The following ABR variants were observed in gnomAD, a reference collection of about 807,000 sequenced individuals.
The protein encoded by ABR is active breakpoint cluster region-related protein.
ABR carries 35 observed loss-of-function variants against 107.2 expected under a neutral mutation model. That is an observed-to-expected ratio of 0.33 (90% CI 0.25 to 0.43). ABR has a LOEUF of 0.43. Ranked by LOEUF, ABR falls within the 20% of genes least tolerant of loss-of-function variation. The probability of loss-of-function intolerance (pLI) is 1.00; values close to 1 mark genes in which losing one functional copy is unlikely to be tolerated. For synonymous variants in ABR, 498 were observed against 462.0 expected (o/e 1.08, Z -1.00); for missense variants, 815 against 1,115.2 (o/e 0.73, Z 3.83).
chr17:1,032,773 G>C (rs936780143), intron 16 of ABR, among the ~76,000 whole-genome samples: 7 of 152,184 alleles, frequency 4.6e-5, no homozygotes, highest in African/African-American at 1.7e-4. Flanking sequence ...GTTAGAGTAC[G>C]GTATTCAGAG....
At chr17:1,112,612 G>GAAGGAAGGAAGA (rs1567778650) in intron 2 of ABR, among the ~76,000 whole-genome samples, 3 of 151,042 alleles carry the variant, frequency 2.0e-5, no homozygotes, top group African/African-American at 7.3e-5. Context: ...AGGGAGGGAG[G>GAAGGAAGGAAGA]GAGGAAGGAA....
chr17:1,047,673 G>A lies in ABR; in HGVS notation c.1791+2377C>T, dbSNP rs549549906. ...AACTCCCAGGCATTTAACATTCCTCGAAGCTTAAACACAGAAACATTTTCC... is the reference window on the plus strand; with the variant it reads ...AACTCCCAGGCATTTAACATTCCTCAAAGCTTAAACACAGAAACATTTTCC... On this transcript the variant is annotated intron_variant, in intron 16 of 22. Transcript: ENST00000302538. Among the ~76,000 whole-genome samples, 6 of 152,318 alleles carry A rather than the reference G, an allele frequency of 3.9e-5. No individual in the cohort carries two copies. The South Asian group carries it at 8.3e-4, about 21-fold the overall frequency.
chr17:1,161,400 C>G (rs931183068), intron 1 of ABR, among the ~76,000 whole-genome samples: 1 of 119,196 alleles, frequency 8.4e-6, no homozygotes, highest in African/African-American at 3.5e-5. Context: ...TTCCACCACA[C>G]CTGGCTAATT....
intron 1 of ABR, among the ~76,000 whole-genome samples, chr17:1,224,875 T>C (rs12944107): frequency 0.6 from 91,737 of 151,774 alleles, 28,968 homozygotes; most frequent in African/African-American, 0.78. Flanking sequence ...TCTCACCGGG[T>C]GCGGTGGCTC....
chr17:1,058,731 C>T lies in ABR; in HGVS notation c.1305+14G>A. 1 of 1,613,686 alleles carries T rather than the reference C, an allele frequency of 6.2e-7. No homozygotes were observed. The highest frequency in any genetic ancestry group is 8.5e-7 in the Non-Finnish European group (1 of 1,179,790). Reference sequence around the variant, plus strand: ...GGAAGGGGCTGTCTTGGTCCCACCCCCACCCATCCTGACCTTTCCATTCCG... The same window carrying T: ...GGAAGGGGCTGTCTTGGTCCCACCCTCACCCATCCTGACCTTTCCATTCCG... On this transcript the variant is annotated intron_variant, in intron 11 of 22. Coordinates refer to ENST00000302538, the MANE Select transcript of ABR (RefSeq NM_021962.5).
rs1169657046 is a variant in ABR, at chr17:1,005,652, GC to G, written c.*427del. The G allele has an allele frequency of 1.2e-4, 22 of 183,880 alleles. No individual in the cohort carries two copies. Among genetic ancestry groups the G allele is most frequent in the Non-Finnish European group, 2.3e-4 (21 of 89,912 alleles). The allele number at this position is 183,880 out of a possible 1,614,324, so 11.4% of individuals were successfully genotyped here. A position where few individuals can be genotyped will look rare whatever the true frequency, so the allele number is the denominator to read the frequency against. On this transcript the variant is annotated 3_prime_UTR_variant, in exon 23 of 23. Transcript: ENST00000302538. ...CAGGAGACCGCCATCTGGGAGCAGG[GC>G]CAAGAGAGAAGCTGGCAGCAGTTAC...
intron 2 of ABR, among the ~76,000 whole-genome samples, chr17:1,104,317 G>C (rs151057806): frequency 6.6e-6 from 1 of 152,336 alleles, no homozygotes; most frequent in Admixed American, 6.5e-5. Context: ...GAGATAAGGC[G>C]TGGCCAGCTC....
At position 1,150,794 on chromosome 17, in the gene ABR, C is replaced by T. The variant is rs550450870; in HGVS notation, c.62-25427G>A. On this transcript the variant is annotated intron_variant, in intron 1 of 22. Coordinates refer to ENST00000302538, the MANE Select transcript of ABR (RefSeq NM_021962.5). The surrounding 1 kb of genome is among the most constrained non-coding windows in gnomAD (Gnocchi z 4.8). ...GGAGGAGCATCACGCACACAGACGCCGGACTCCCTAGGTTCTGCAAACCCA... is the reference window on the plus strand; with the variant it reads ...GGAGGAGCATCACGCACACAGACGCTGGACTCCCTAGGTTCTGCAAACCCA... Among the ~76,000 whole-genome samples, 238 of 152,224 alleles carry T rather than the reference C, an allele frequency of 1.6e-3. 1 individual carries two copies. The highest frequency in any genetic ancestry group is 2.8e-3 in the Non-Finnish European group (188 of 67,992).
chr17:1,064,498 GTTAT>G, intron 10 of ABR, among the ~76,000 whole-genome samples: 1 of 114,630 alleles, frequency 8.7e-6, no homozygotes, highest in Non-Finnish European at 1.9e-5. Flanking sequence ...AGACACTGTT[GTTAT>G]GTGAACTGAG....
At chr17:1,176,486 C>A (rs937095948) in intron 1 of ABR, among the ~76,000 whole-genome samples, 15 of 152,210 alleles carry the variant, frequency 9.9e-5, no homozygotes, top group African/African-American at 3.6e-4. Flanking sequence ...TTTATGCTAA[C>A]TGAGCCTCAC....
upstream of ABR, among the ~76,000 whole-genome samples, chr17:1,180,049 CTTTGGTGCGGGGGCGGGGCGGGGA>C (rs2042076572): frequency 2.6e-5 from 3 of 113,476 alleles, no homozygotes; most frequent in African/African-American, 9.6e-5. Flanking sequence ...GGGGGCGGGG[CTTTGGTGCGGGGGCGGGGCGGGGA>C]GGGACCAATC....
At chr17:1,146,260 G>C (rs1023143293) in intron 1 of ABR, among the ~76,000 whole-genome samples, 1 of 140,106 alleles carries the variant, frequency 7.1e-6, no homozygotes, top group Admixed American at 7.3e-5. Context: ...GGCACATGGA[G>C]ACACACACAC....
chr17:1,015,704 C>T (rs939171205), intron 16 of ABR, among the ~76,000 whole-genome samples: 11 of 152,202 alleles, frequency 7.2e-5, no homozygotes, highest in Admixed American at 2.6e-4. Flanking sequence ...GTGATCCACC[C>T]GCCTCGGTCT....
intron 11 of ABR, 123 bp downstream of exon 11, chr17:1,058,622 C>T: frequency 7.7e-7 from 1 of 1,293,972 alleles, no homozygotes; most frequent in Non-Finnish European, 1.0e-6. Flanking sequence ...GGAGCCATGG[C>T]AGCCTCCTCA....
At position 1,018,264 on chromosome 17, in the gene ABR, G is replaced by C. The variant is rs575820608; in HGVS notation, c.1792-5100C>G. Among the ~76,000 whole-genome samples the C allele has an allele frequency of 2.0e-4, 31 of 151,284 alleles. No individual in the cohort carries two copies. In the East Asian group the frequency reaches 2.6e-3, roughly 13 times the overall value. Reference sequence around the variant, plus strand: ...TCACCGTGTTAGCCAGGATGGTCTTGATCTCCTGACCTCGTGATTCGCCCA... The same window carrying C: ...TCACCGTGTTAGCCAGGATGGTCTTCATCTCCTGACCTCGTGATTCGCCCA... On this transcript the variant is annotated intron_variant, in intron 16 of 22. Transcript: ENST00000302538.
intron 1 of ABR, among the ~76,000 whole-genome samples, chr17:1,221,666 G>A (rs1041206679): frequency 6.6e-6 from 1 of 152,208 alleles, no homozygotes; most frequent in Non-Finnish European, 1.5e-5. Flanking sequence ...GTTTGGGGAA[G>A]TCAAGGCGGG....
intron 2 of ABR, among the ~76,000 whole-genome samples, chr17:1,101,919 G>A (rs1164413439): frequency 6.6e-6 from 1 of 151,956 alleles, no homozygotes; most frequent in Non-Finnish European, 1.5e-5. Context: ...ATTTTTAGTA[G>A]AGCCGGGATT....
intron 7 of ABR, 85 bp from the exon 8 acceptor site, chr17:1,072,839 A>T: frequency 3.3e-6 from 5 of 1,493,936 alleles, no homozygotes; most frequent in Non-Finnish European, 4.5e-6. Context: ...CCCCATCCAA[A>T]GGGTGGGCAC....
Position 1,006,110 on chromosome 17 carries a change from C to G in ABR, c.2550G>C (p.Arg850=). The G allele has an allele frequency of 6.3e-7, 1 of 1,582,300 alleles. No individual in the cohort carries two copies. Among genetic ancestry groups the G allele is most frequent in the Non-Finnish European group, 8.6e-7 (1 of 1,163,884 alleles). ...CGTCGGTGGAGAAGTACAGTGTGTT[C>G]CGCTTGAGTTCTGCGAAGGAAATGG... ...HPPISFAELK[R]NTLYFSTDV is the part of the protein sequence containing the mutation. Residue 850 remains arginine, a synonymous_variant, in exon 23 of 23, where the codon CGG becomes CGC. Coordinates refer to ENST00000302538, the MANE Select transcript of ABR (RefSeq NM_021962.5).
Sources: allele counts gnomAD v4.1 joint callset (sites outside exome capture counted in the v4.1 genomes callset), GRCh38; gene constraint gnomAD v4.1.1; non-coding constraint Gnocchi (gnomAD v3.1); transcripts MANE v1.5; gene names NCBI Gene and HGNC (gene_info 2026-07-23, HGNC 2026-07-21).